The following FRMPD2 variants were observed in gnomAD, a reference collection of about 807,000 sequenced individuals.
The protein encoded by FRMPD2 is FERM and PDZ domain containing 2.
A neutral mutation model predicts 140.1 loss-of-function variants in FRMPD2; 96 were observed. The ratio of observed to expected loss-of-function variants is 0.69; its 90% CI spans 0.58 to 0.81. The LOEUF (loss-of-function observed/expected upper bound fraction) is 0.81, where lower values mean the gene tolerates loss of function less well. Ranked by LOEUF, FRMPD2 falls within the 40% of genes least tolerant of loss-of-function variation. FRMPD2 has a pLI of 0.00. For synonymous variants in FRMPD2, 449 were observed against 547.6 expected, an observed-to-expected ratio of 0.82 and a Z score of 2.52; for missense variants, 1,240 against 1,447.4, an observed-to-expected ratio of 0.86 and a Z score of 2.32.
intron 27 of FRMPD2, among the ~76,000 whole-genome samples, chr10:48,166,467 A>G (rs1838102440): frequency 1.1e-5 from 1 of 94,152 alleles, no homozygotes. Flanking sequence ...TTTCCTGCTT[A>G]ACCCTCCGTG....
At chr10:48,246,455 A>T (rs551807038) in intron 3 of FRMPD2, among the ~76,000 whole-genome samples, 42 of 152,310 alleles carry the variant, frequency 2.8e-4, no homozygotes, top group African/African-American at 9.6e-4. Context: ...GGCTGGTGAG[A>T]AGGATTTTGA....
At chr10:48,221,717 T>C (rs1839590086) in intron 12 of FRMPD2, among the ~76,000 whole-genome samples, 1 of 152,244 alleles carries the variant, frequency 6.6e-6, no homozygotes, top group South Asian at 2.1e-4. Context: ...GGACTAGAAC[T>C]AGACTAGAAC....
intron 14 of FRMPD2, among the ~76,000 whole-genome samples, chr10:48,205,389 T>A (rs888769024): frequency 2.6e-5 from 4 of 152,220 alleles, no homozygotes; most frequent in Non-Finnish European, 4.4e-5. Context: ...GTTAAACCAA[T>A]GTATACATAA....
At chr10:48,248,913 G>A (rs1263793265) in intron 3 of FRMPD2, 108 bp downstream of exon 3, 7 of 976,984 alleles carry the variant, frequency 7.2e-6, no homozygotes, top group African/African-American at 1.7e-5. Flanking sequence ...GCTTGGTGTT[G>A]AGAACCAAGC....
At position 48,211,873 on chromosome 10, in the gene FRMPD2, C is replaced by G; in HGVS notation, c.1611+81G>C. 3 of 1,402,966 alleles carry G rather than the reference C, an allele frequency of 2.1e-6. No individual in the cohort carries two copies. In the South Asian group the frequency reaches 4.1e-5, roughly 19 times the overall value. The allele number at this position is 1,402,966 out of a possible 1,614,324, so 86.9% of individuals were successfully genotyped here. ...CTTGTGGGTCTGCACACACCTGGGC[C>G]CCTTGAGAAGGCTCTGGAGGGGATT... On this transcript the variant is annotated intron_variant, in intron 13 of 28. Coordinates refer to ENST00000374201, the MANE Select transcript of FRMPD2 (RefSeq NM_001018071.4).
chr10:48,167,919 T>C (rs1588800174), intron 27 of FRMPD2, among the ~76,000 whole-genome samples: 3 of 146,302 alleles, frequency 2.1e-5, no homozygotes, highest in Admixed American at 6.7e-5. Context: ...CAGACCACCT[T>C]TGGGCTTGAT....
intron 4 of FRMPD2, 80 bp downstream of exon 4, chr10:48,244,704 G>A (rs1170587786): frequency 9.5e-7 from 1 of 1,055,550 alleles, no homozygotes; most frequent in Admixed American, 1.7e-5. Context: ...CTCAGTAAAT[G>A]TGGTCCCTGC....
At chr10:48,159,043 A>G in intron 28 of FRMPD2, 1 of 364,432 alleles carries the variant, frequency 2.7e-6, no homozygotes, top group Non-Finnish European at 5.4e-6. Context: ...TGAAATATGA[A>G]GGTATTATAA....
intron 10 of FRMPD2, among the ~76,000 whole-genome samples, chr10:48,227,556 G>A (rs7898494): frequency 0.018 from 2,768 of 152,246 alleles, 75 homozygotes; most frequent in African/African-American, 0.056. Context: ...GATCTCGAGG[G>A]GGGTACTGCA....
Position 48,238,061 on chromosome 10 carries a change from A to G in FRMPD2, c.851T>C (p.Val284Ala), listed in dbSNP as rs750991660. ...CCATGAGCTGTCTGCTGCCGAGTGCACAGATCCAGAGCTGAGCCTCCGGCC... is the reference window on the plus strand; with the variant it reads ...CCATGAGCTGTCTGCTGCCGAGTGCGCAGATCCAGAGCTGAGCCTCCGGCC... ...QAGRRLSSGS[V>A]HSAADSSWPT... The change falls in exon 8 of 29, where the codon GTG becomes GCG. Residue 284 changes from valine to alanine, a missense_variant. By Grantham distance (64) the Val-to-Ala change is moderately conservative. Coordinates refer to ENST00000374201, the MANE Select transcript of FRMPD2 (RefSeq NM_001018071.4). The G allele has an allele frequency of 1.2e-6, 2 of 1,613,958 alleles. No individual in the cohort carries two copies. Among genetic ancestry groups the G allele is most frequent in the South Asian group, 1.1e-5 (1 of 91,074 alleles).
intron 24 of FRMPD2, among the ~76,000 whole-genome samples, 175 bp from the exon 25 acceptor site, chr10:48,173,268 ACAAGTGCACCTGAAAG>A (rs1838316292): frequency 6.7e-6 from 1 of 149,334 alleles, no homozygotes; most frequent in African/African-American, 2.5e-5. Context: ...TGCTTATTAG[ACAAGTGCACCTGAAAG>A]CAACACATGT....
At chr10:48,227,400 C>T (rs781500285) in intron 10 of FRMPD2, among the ~76,000 whole-genome samples, 8 of 152,166 alleles carry the variant, frequency 5.3e-5, no homozygotes, top group East Asian at 3.9e-4. Flanking sequence ...CATCAGATGG[C>T]GAGCCAGCTG....
At position 48,188,130 on chromosome 10, in the gene FRMPD2, C is replaced by T. The variant is rs538546530; in HGVS notation, c.2166-838G>A. ...GACAGCCAAACATCTGAGCAGATTC[C>T]GCTTCCCTGGTTACCCAGACTGACC... On this transcript the variant is annotated intron_variant, in intron 16 of 28. Transcript: ENST00000374201. Among the ~76,000 whole-genome samples, 7 of 152,312 alleles carry T rather than the reference C, an allele frequency of 4.6e-5. No homozygotes were observed. The South Asian group carries it at 8.3e-4, about 18-fold the overall frequency.
intron 9 of FRMPD2, among the ~76,000 whole-genome samples, chr10:48,234,310 C>T (rs945456881): frequency 7.9e-5 from 12 of 152,170 alleles, no homozygotes; most frequent in Admixed American, 2.0e-4. Flanking sequence ...AGAGAAAGCA[C>T]ATATAGAGAA....
chr10:48,238,353 A>T (rs1467039491), intron 7 of FRMPD2, among the ~76,000 whole-genome samples: 1 of 152,192 alleles, frequency 6.6e-6, no homozygotes, highest in Admixed American at 6.5e-5. Context: ...GGTACAAGGC[A>T]CAGTCGACTT....
chr10:48,166,597 G>C (rs1223329720), intron 27 of FRMPD2, among the ~76,000 whole-genome samples: 7 of 116,276 alleles, frequency 6.0e-5, no homozygotes, highest in African/African-American at 2.1e-4. Context: ...ATTAACGATG[G>C]CCCAAGCACA....
Position 48,213,253 on chromosome 10 carries a change from A to G in FRMPD2, c.1456-1144T>C, listed in dbSNP as rs957817332. Among the ~76,000 whole-genome samples the G allele has an allele frequency of 2.0e-5, 3 of 152,302 alleles. No homozygotes were observed. In the East Asian group the frequency reaches 5.8e-4, roughly 29 times the overall value. On this transcript the variant is annotated intron_variant, in intron 12 of 28. Coordinates refer to ENST00000374201, the MANE Select transcript of FRMPD2 (RefSeq NM_001018071.4). The stretch of plus-strand genomic sequence containing the variant: ...TCAGCTCCACCACAAACAGAGAGAT[A>G]TTGTTCAGCAGGCTAGTGCATAAAA...
intron 28 of FRMPD2, among the ~76,000 whole-genome samples, chr10:48,161,924 T>G (rs1361694991): frequency 6.7e-6 from 1 of 150,304 alleles, no homozygotes; most frequent in Non-Finnish European, 1.5e-5. Flanking sequence ...ATTCCCAGCT[T>G]GTACCTATAC....
intron 14 of FRMPD2, among the ~76,000 whole-genome samples, chr10:48,201,996 C>T (rs1012377522): frequency 6.6e-5 from 10 of 151,440 alleles, no homozygotes; most frequent in South Asian, 2.1e-4. Context: ...CACAAAGAAA[C>T]GCTTCCCCAC....
Sources: allele counts gnomAD v4.1 joint callset (sites outside exome capture counted in the v4.1 genomes callset), GRCh38; gene constraint gnomAD v4.1.1; transcripts MANE v1.5; gene names NCBI Gene and HGNC (gene_info 2026-07-23, HGNC 2026-07-21).